Variants in CNTN5 observed in about 807,000 individuals in gnomAD.
CNTN5 encodes contactin-5.
In CNTN5, 77 loss-of-function variants were observed where a neutral mutation model predicts 129.1. That is an observed-to-expected ratio of 0.60 (90% confidence interval 0.50 to 0.72). The LOEUF (loss-of-function observed/expected upper bound fraction) is 0.72. Among genes scored for constraint, CNTN5 ranks in the 30% least tolerant of loss-of-function variants. The pLI, the probability that CNTN5 is intolerant of heterozygous loss-of-function variation, is 0.00. For missense variants in CNTN5, 1,478 were observed against 1,328.8 expected (o/e 1.11, Z -1.75); for synonymous variants, 509 against 465.6 (o/e 1.09, Z -1.20).
At chr11:99,961,719 G>C (rs188504121) in intron 8 of CNTN5, among the ~76,000 whole-genome samples, 1 of 152,250 alleles carries the variant, frequency 6.6e-6, no homozygotes, top group African/African-American at 2.4e-5. Context: ...TAATATGAAT[G>C]AGCTTTCCGT....
chr11:99,650,957 G>A (rs554787815), intron 3 of CNTN5, among the ~76,000 whole-genome samples: 1 of 151,882 alleles, frequency 6.6e-6, no homozygotes, highest in African/African-American at 2.4e-5. Context: ...AGGATTTAAA[G>A]AAACCAAGTT....
chr11:99,616,747 G>A (rs899434051), intron 3 of CNTN5, among the ~76,000 whole-genome samples: 7 of 152,294 alleles, frequency 4.6e-5, no homozygotes, highest in African/African-American at 1.7e-4. Context: ...TACATGGGAG[G>A]TAAAGAAGGT....
At chr11:100,068,283 A>G (rs544804974) in intron 10 of CNTN5, among the ~76,000 whole-genome samples, 48 of 152,320 alleles carry the variant, frequency 3.2e-4, no homozygotes, top group African/African-American at 1.1e-3. Flanking sequence ...GTAACAAGCT[A>G]CGACATGAAT....
At position 99,245,451 on chromosome 11, in the gene CNTN5, A is replaced by T. The variant is rs185915349; in HGVS notation, c.-209-79895A>T. ...CTCCTGACTCCGCCTCCCAAGTAAC[A>T]GGGATTACAAGCACTGCCTCCATGC... On this transcript the variant is annotated intron_variant, in intron 1 of 24. Transcript: ENST00000524871. 3.1e-3 allele frequency among the ~76,000 whole-genome samples: 466 copies of T among 152,166 alleles called. 1 individual carries two copies. The highest frequency in any genetic ancestry group is 0.01 in the Middle Eastern group (3 of 294).
At chr11:99,348,890 G>A (rs948973102) in intron 2 of CNTN5, among the ~76,000 whole-genome samples, 74 of 152,124 alleles carry the variant, frequency 4.9e-4, no homozygotes, top group African/African-American at 1.6e-3. Flanking sequence ...TCATTGATAC[G>A]TGCATTCCAC....
intron 1 of CNTN5, among the ~76,000 whole-genome samples, chr11:99,155,663 A>G (rs185923678): frequency 6.6e-6 from 1 of 152,338 alleles, no homozygotes; most frequent in East Asian, 1.9e-4. Flanking sequence ...ACTTAAAAAA[A>G]AAAACTAGTA....
chr11:100,147,941 T>C (rs1445727537), intron 13 of CNTN5, among the ~76,000 whole-genome samples: 1 of 152,146 alleles, frequency 6.6e-6, no homozygotes, highest in Non-Finnish European at 1.5e-5. Context: ...AGGTGTATGT[T>C]TGAAACCCTA....
chr11:99,263,471 TTTTA>T (rs1362159828), intron 1 of CNTN5, among the ~76,000 whole-genome samples: 1 of 152,128 alleles, frequency 6.6e-6, no homozygotes, highest in Non-Finnish European at 1.5e-5. Context: ...GAAAAATTGG[TTTTA>T]TTTAATGATT....
chr11:99,453,132 A>T (rs1944371628), intron 2 of CNTN5, among the ~76,000 whole-genome samples: 1 of 152,338 alleles, frequency 6.6e-6, no homozygotes, highest in East Asian at 1.9e-4. Flanking sequence ...GTAGCACTAA[A>T]AAGTACTCTA....
At chr11:99,435,092 A>G (rs1229715969) in intron 2 of CNTN5, among the ~76,000 whole-genome samples, 1 of 152,174 alleles carries the variant, frequency 6.6e-6, no homozygotes, top group African/African-American at 2.4e-5. Context: ...TTTAGTATCA[A>G]TGCCATTTTT....
At chr11:99,923,038 A>T (rs2136041768) in intron 7 of CNTN5, among the ~76,000 whole-genome samples, 1 of 152,356 alleles carries the variant, frequency 6.6e-6, no homozygotes, top group African/African-American at 2.4e-5. Flanking sequence ...AAAACAGTTT[A>T]CACATCAGAG....
intron 1 of CNTN5, among the ~76,000 whole-genome samples, chr11:99,036,745 G>C (rs948674281): frequency 6.6e-6 from 1 of 152,080 alleles, no homozygotes; most frequent in Admixed American, 6.6e-5. Flanking sequence ...CTACCAAACT[G>C]CTTGTTCTAT....
intron 2 of CNTN5, among the ~76,000 whole-genome samples, chr11:99,471,043 T>C (rs2135274244): frequency 6.6e-6 from 1 of 152,184 alleles, no homozygotes; most frequent in Non-Finnish European, 1.5e-5. Flanking sequence ...ATTCTGAACC[T>C]GAGGCAGTCA....
At chr11:99,458,192 A>C (rs185285536) in intron 2 of CNTN5, among the ~76,000 whole-genome samples, 187 of 152,146 alleles carry the variant, frequency 1.2e-3, no homozygotes, top group African/African-American at 4.3e-3. Context: ...AAGAAAAGAT[A>C]TGTATCAGTG....
At chr11:100,020,747 C>A (rs1164578622) in intron 9 of CNTN5, among the ~76,000 whole-genome samples, 4 of 151,902 alleles carry the variant, frequency 2.6e-5, no homozygotes, top group Non-Finnish European at 4.4e-5. Context: ...ACAAAATCAA[C>A]AGACAAAAAT....
intron 3 of CNTN5, among the ~76,000 whole-genome samples, chr11:99,621,356 CTGA>C (rs1470575283): frequency 2.0e-5 from 3 of 152,096 alleles, no homozygotes; most frequent in African/African-American, 7.2e-5. Context: ...GTGTACTTGA[CTGA>C]TGAATATAAC....
intron 1 of CNTN5, among the ~76,000 whole-genome samples, chr11:99,318,884 T>C (rs1233595449): frequency 6.6e-6 from 1 of 152,222 alleles, no homozygotes; most frequent in African/African-American, 2.4e-5. Context: ...AAAGTTAAAG[T>C]TTTAAATATC....
intron 13 of CNTN5, among the ~76,000 whole-genome samples, chr11:100,137,165 C>T (rs1157865771): frequency 6.6e-6 from 1 of 151,972 alleles, no homozygotes; most frequent in Non-Finnish European, 1.5e-5. Context: ...ATCCATTTCT[C>T]TTTTATATGT....
At chr11:100,110,869 A>G (rs970599673) in intron 13 of CNTN5, among the ~76,000 whole-genome samples, 6 of 152,208 alleles carry the variant, frequency 3.9e-5, no homozygotes, top group African/African-American at 1.4e-4. Context: ...AGCCTCTGGT[A>G]GCATCAATAA....
Sources: allele counts gnomAD v4.1 joint callset (sites outside exome capture counted in the v4.1 genomes callset), GRCh38; gene constraint gnomAD v4.1.1; transcripts MANE v1.5; gene names NCBI Gene and HGNC (gene_info 2026-07-23, HGNC 2026-07-21).